TSHR: variants seen among roughly 807,000 people sequenced by gnomAD.
TSHR encodes thyroid stimulating hormone receptor.
Under a neutral mutation model 64.1 loss-of-function variants are expected in TSHR, and 51 were observed. The observed-to-expected ratio is 0.80, with a 90% CI of 0.64 to 1.01. TSHR has a LOEUF of 1.01. Among genes scored for constraint, TSHR ranks in the 50% least tolerant of loss-of-function variants. TSHR has a pLI of 0.00. For missense variants in TSHR, 877 were observed against 942.8 expected, an observed-to-expected ratio of 0.93 and a Z score of 0.91; for synonymous variants, 361 against 361.9, an observed-to-expected ratio of 1.00 and a Z score of 0.03.
intron 7 of TSHR, among the ~76,000 whole-genome samples, chr14:81,101,810 A>C (rs1006997322): frequency 6.6e-6 from 1 of 152,168 alleles, no homozygotes; most frequent in Non-Finnish European, 1.5e-5. Context: ...AAACCCACAC[A>C]GACATGGGGA....
intron 1 of TSHR, chr14:81,052,095 G>A (rs1595005015): frequency 6.8e-6 from 1 of 147,804 alleles, no homozygotes; most frequent in East Asian, 1.9e-4. Flanking sequence ...CTCTGCTTTG[G>A]GGGACATACC....
chr14:80,981,486 G>A (rs7147838), intron 1 of TSHR, among the ~76,000 whole-genome samples: 2 of 152,162 alleles, frequency 1.3e-5, no homozygotes, highest in East Asian at 1.9e-4. Context: ...GGCCCTGGGC[G>A]TGTGGAGGCT....
chr14:81,139,546 C>T, intron 8 of TSHR, 133 bp from the exon 9 acceptor site: 1 of 927,390 alleles, frequency 1.1e-6, no homozygotes, highest in Non-Finnish European at 1.7e-6. Context: ...AGAAGCTCAG[C>T]TTATGTACTC....
chr14:81,096,041 C>CAAA (rs397853041), intron 6 of TSHR, among the ~76,000 whole-genome samples: 12 of 68,402 alleles, frequency 1.8e-4, no homozygotes, highest in African/African-American at 2.9e-4. Context: ...GACCCTGTCT[C>CAAA]AAAAAAAAAA....
At chr14:80,958,317 G>A (rs1278844542) in intron 1 of TSHR, 1 of 152,144 alleles carries the variant, frequency 6.6e-6, no homozygotes, top group Admixed American at 6.5e-5. Flanking sequence ...GAAGTAATTT[G>A]CTCAATGTTG....
At position 81,075,274 on chromosome 14, in the gene TSHR, A is replaced by T. The variant is rs111249258; in HGVS notation, c.317+6946A>T. Reference sequence around the variant, plus strand: ...CAGCTCCAGAAATTCTCTATCACACAGCAGCACCAAAGTCTCTCTGAACCT... The same window carrying T: ...CAGCTCCAGAAATTCTCTATCACACTGCAGCACCAAAGTCTCTCTGAACCT... On this transcript the variant is annotated intron_variant, in intron 3 of 9. Transcript: ENST00000298171. 2.0e-3 allele frequency among the ~76,000 whole-genome samples: 312 copies of T among 152,326 alleles called. 1 individual carries two copies. The highest frequency in any genetic ancestry group is 6.9e-3 in the African/African-American group (286 of 41,574).
intron 1 of TSHR, among the ~76,000 whole-genome samples, chr14:81,029,191 C>T (rs1884222299): frequency 6.6e-6 from 1 of 151,996 alleles, no homozygotes; most frequent in Non-Finnish European, 1.5e-5. Context: ...TCCCTTTTCC[C>T]ATGTAAAATT....
chr14:80,955,635 G>A lies in TSHR; in HGVS notation c.-46G>A. 3.1e-6 allele frequency: 5 copies of A among 1,611,414 alleles called. No individual in the cohort carries two copies. The highest frequency in any genetic ancestry group is 1.1e-5 in the South Asian group (1 of 90,878). ...TAACCCGAGGTGCAGAGCTGAGAAT[G>A]AGGCGATTTCGGAGGATGGAGAAAT... On this transcript the variant is annotated 5_prime_UTR_variant, in exon 1 of 10. An upstream start codon of the reference 5' UTR is lost. Transcript: ENST00000298171.
At chr14:81,057,084 T>C (rs1595016398) in intron 1 of TSHR, among the ~76,000 whole-genome samples, 1 of 152,316 alleles carries the variant, frequency 6.6e-6, no homozygotes, top group Middle Eastern at 3.4e-3. Context: ...AGTATTTTCT[T>C]AATGCACAAC....
At chr14:81,108,302 T>C in intron 7 of TSHR, 73 bp from the exon 8 acceptor site, 4 of 1,189,190 alleles carry the variant, frequency 3.4e-6, no homozygotes, top group Non-Finnish European at 5.0e-6. Flanking sequence ...ATTCTGATAT[T>C]TGTACTAATT....
At chr14:81,089,585 G>A (rs1030314136) in intron 4 of TSHR, among the ~76,000 whole-genome samples, 3 of 152,146 alleles carry the variant, frequency 2.0e-5, no homozygotes, top group African/African-American at 7.2e-5. Context: ...AATGGAAAGT[G>A]ACGAAGGAGA....
chr14:80,965,586 G>T (rs1887257543), intron 1 of TSHR, among the ~76,000 whole-genome samples: 1 of 152,090 alleles, frequency 6.6e-6, no homozygotes, highest in Non-Finnish European at 1.5e-5. Context: ...TTTTACTGAA[G>T]CTGGTCAACA....
chr14:81,074,936 CCAATT>C (rs889621762), intron 3 of TSHR, among the ~76,000 whole-genome samples: 2 of 152,132 alleles, frequency 1.3e-5, no homozygotes, highest in African/African-American at 4.8e-5. Context: ...AGATGGCTTC[CCAATT>C]CATGTTTAGA....
chr14:81,103,349 G>GT lies in TSHR; in HGVS notation c.615-5023dup. On this transcript the variant is annotated intron_variant, in intron 7 of 9. Coordinates refer to ENST00000298171, the MANE Select transcript of TSHR (RefSeq NM_000369.5). This position sits in a 1 kb window ranked among gnomAD's most constrained non-coding sequence, Gnocchi z 4.1. Reference sequence around the variant, plus strand: ...TAGCAATTTGGTAATTTCTCCAGAAGTTTGTCCAGGTATCATTAGGTTCTC... The same window carrying GT: ...TAGCAATTTGGTAATTTCTCCAGAAGTTTTGTCCAGGTATCATTAGGTTCTC... 1.0e-6 allele frequency: 1 copy of GT among 985,418 alleles called. No homozygotes were observed. Among genetic ancestry groups the GT allele is most frequent in the South Asian group, 4.7e-5 (1 of 21,278 alleles). The allele number at this position is 985,418 out of a possible 1,614,324, so 61.0% of individuals were successfully genotyped here. A position where few individuals can be genotyped will look rare whatever the true frequency, so the allele number is the denominator to read the frequency against.
chr14:81,037,968 A>G (rs2139838063), intron 1 of TSHR, among the ~76,000 whole-genome samples: 2 of 151,816 alleles, frequency 1.3e-5, no homozygotes, highest in Non-Finnish European at 2.9e-5. Flanking sequence ...ACTGCACTCT[A>G]GACCAAATGG....
intron 1 of TSHR, among the ~76,000 whole-genome samples, chr14:81,020,265 C>T (rs1883674892): frequency 6.6e-6 from 1 of 152,150 alleles, no homozygotes; most frequent in East Asian, 1.9e-4. Flanking sequence ...TTAGCAATTC[C>T]TTTTAGAACA....
intron 1 of TSHR, among the ~76,000 whole-genome samples, chr14:80,975,920 T>TC (rs2139710750): frequency 6.6e-6 from 1 of 151,566 alleles, no homozygotes; most frequent in East Asian, 1.9e-4. Context: ...AATGCATTTT[T>TC]TTTTTTTTTG....
In TSHR at chr14:81,144,681, A is replaced by G. The variant is rs1566836794; in HGVS notation, c.*328A>G. ...AGTAAATATTAACTGAGCTATGTCA[A>G]TATAGAGCTTCTCAGTTTTGTATAA... On this transcript the variant is annotated 3_prime_UTR_variant, in exon 10 of 10. Transcript: ENST00000298171. 1.2e-5 allele frequency: 4 copies of G among 339,342 alleles called. No homozygotes were observed. In the East Asian group the frequency reaches 1.4e-4, roughly 12 times the overall value. 21.0% of individuals were successfully genotyped at this position (339,342 alleles called of 1,614,324 possible). A position where few individuals can be genotyped will look rare whatever the true frequency, so the allele number is the denominator to read the frequency against.
chr14:81,061,942 T>C (rs1476809878), intron 1 of TSHR, among the ~76,000 whole-genome samples: 1 of 152,194 alleles, frequency 6.6e-6, no homozygotes, highest in Non-Finnish European at 1.5e-5. Context: ...TTTCTGCATC[T>C]GAATCTAACA....
Sources: allele counts gnomAD v4.1 joint callset (sites outside exome capture counted in the v4.1 genomes callset), GRCh38; gene constraint gnomAD v4.1.1; non-coding constraint Gnocchi (gnomAD v3.1); transcripts MANE v1.5; gene names NCBI Gene and HGNC (gene_info 2026-07-23, HGNC 2026-07-21).